The following ADGRG3 variants were observed in gnomAD, a reference collection of about 807,000 sequenced individuals.
ADGRG3 encodes G protein-coupled receptor 97.
In ADGRG3, 39 loss-of-function variants were observed where a neutral mutation model predicts 54.3. The observed-to-expected ratio is 0.72, with a 90% CI of 0.56 to 0.94. The LOEUF is 0.94. ADGRG3 is among the 40% of genes least tolerant of loss of function. ADGRG3 has a pLI of 0.00. For synonymous variants in ADGRG3, 312 were observed against 290.0 expected (o/e 1.08, Z -0.77); for missense variants, 654 against 694.6 (o/e 0.94, Z 0.66).
chr16:57,676,121 C>T (rs1472735340), intron 2 of ADGRG3, 79 bp from the exon 3 acceptor site: 2 of 1,368,740 alleles, frequency 1.5e-6, no homozygotes, highest in Admixed American at 1.8e-5. Flanking sequence ...TTGGGTCAGC[C>T]CTCTCACCCC....
Position 57,680,848 on chromosome 16 carries a change from C to T in ADGRG3, c.881+231C>T, listed in dbSNP as rs530723237. Among the ~76,000 whole-genome samples the T allele has an allele frequency of 3.3e-5, 5 of 152,272 alleles. No individual in the cohort carries two copies. The South Asian group carries it at 6.2e-4, about 19-fold the overall frequency. On this transcript the variant is annotated intron_variant, in intron 8 of 11. Transcript: ENST00000333493. Reference sequence around the variant, plus strand: ...AACATAATAGGGAATGTGTGGTTCACGTAACTGAGAATAGCAAATAGCAAA... The same window carrying T: ...AACATAATAGGGAATGTGTGGTTCATGTAACTGAGAATAGCAAATAGCAAA...
chr16:57,686,002 G>A, intron 11 of ADGRG3, 76 bp downstream of exon 11: 3 of 1,447,722 alleles, frequency 2.1e-6, no homozygotes. Context: ...GGAAGAGGGT[G>A]GTTTGCAAGA....
At chr16:57,679,353 C>T (rs1009491370) in intron 5 of ADGRG3, 42 bp downstream of exon 5, 1 of 1,609,192 alleles carries the variant, frequency 6.2e-7, no homozygotes, top group Non-Finnish European at 8.5e-7. Flanking sequence ...GCAGGGCAGA[C>T]AGGCGAGTGG....
chr16:57,671,402 G>A (rs752119411), intron 1 of ADGRG3, among the ~76,000 whole-genome samples: 4 of 136,374 alleles, frequency 2.9e-5, no homozygotes, highest in Non-Finnish European at 6.1e-5. Context: ...GTGCAGTGGT[G>A]TGATCTTGGC....
intron 4 of ADGRG3, among the ~76,000 whole-genome samples, 153 bp from the exon 5 acceptor site, chr16:57,679,022 GCT>G (rs1199667035): frequency 6.6e-6 from 1 of 152,116 alleles, no homozygotes; most frequent in Non-Finnish European, 1.5e-5. Context: ...CAGGGAGGAG[GCT>G]GCCTGTGACT....
At position 57,676,132 on chromosome 16, in the gene ADGRG3, A is replaced by G. The variant is rs116640555; in HGVS notation, c.207-68A>G. ...TAGTTTGGGTCAGCCCTCTCACCCCAGGAGCCTGATGAGTGAGTAACTCAG... is the reference window on the plus strand; with the variant it reads ...TAGTTTGGGTCAGCCCTCTCACCCCGGGAGCCTGATGAGTGAGTAACTCAG... On this transcript the variant is annotated intron_variant, in intron 2 of 11. Transcript: ENST00000333493. The G allele has an allele frequency of 1.1e-3, 1,660 of 1,476,046 alleles. 20 individuals carry two copies. The African/African-American group carries it at 0.02, about 18-fold the overall frequency. The allele number at this position is 1,476,046 out of a possible 1,614,324, so 91.4% of individuals were successfully genotyped here. A position where few individuals can be genotyped will look rare whatever the true frequency, so the allele number is the denominator to read the frequency against.
chr16:57,676,460 A>T, intron 3 of ADGRG3, 122 bp downstream of exon 3: 1 of 888,400 alleles, frequency 1.1e-6, no homozygotes, highest in Non-Finnish European at 1.7e-6. Context: ...CCCACGTCCC[A>T]ATTGGCAGAG....
At chr16:57,668,154 G>A, upstream of ADGRG3, 1 of 590,784 alleles carries the variant, frequency 1.7e-6, no homozygotes, top group Non-Finnish European at 3.0e-6. Flanking sequence ...GGTGAGACTG[G>A]GAGCACTGCC....
chr16:57,676,302 T>C lies in ADGRG3; in HGVS notation c.309T>C (p.Thr103=), dbSNP rs536212021. Residue 103 remains threonine, a synonymous_variant, in exon 3 of 12, where the codon ACT becomes ACC. Transcript: ENST00000333493. ...KALVQNLSTN[T]AEDFYFSLEP... The stretch of plus-strand genomic sequence containing the variant: ...TGGTCCAGAACCTCAGCACCAACAC[T>C]GCAGAAGACTTCTATTTCTCTCTGG... 1.2e-6 allele frequency: 2 copies of C among 1,614,212 alleles called. No homozygotes were observed. The highest frequency in any genetic ancestry group is 2.2e-5 in the East Asian group (1 of 44,888).
chr16:57,677,917 A>G (rs1393756703), intron 3 of ADGRG3, among the ~76,000 whole-genome samples: 1 of 152,214 alleles, frequency 6.6e-6, no homozygotes, highest in African/African-American at 2.4e-5. Flanking sequence ...AGGTGCCCAG[A>G]CAGGCACAAG....
rs556329584 is a variant in ADGRG3 at position 57,685,688 on chromosome 16, C to T, written c.1302C>T (p.Thr434=). Reference sequence around the variant, plus strand: ...CAACCATGTACGCCCTCTATATCACCGTCCACGGCTACTTCCTCATCACCT... The same window carrying T: ...CAACCATGTACGCCCTCTATATCACTGTCCACGGCTACTTCCTCATCACCT... The part of the protein sequence containing the change: ...EGTTMYALYI[T]VHGYFLITFL... The change falls in exon 11 of 12, where the codon ACC becomes ACT. Residue 434 remains threonine, a synonymous_variant. Transcript: ENST00000333493. 12 of 1,614,212 alleles carry T rather than the reference C, an allele frequency of 7.4e-6. No individual in the cohort carries two copies. The highest frequency in any genetic ancestry group is 5.3e-5 in the African/African-American group (4 of 75,054).
At chr16:57,667,835 G>A (rs1248193502), upstream of ADGRG3, among the ~76,000 whole-genome samples, 1 of 152,238 alleles carries the variant, frequency 6.6e-6, no homozygotes, top group Non-Finnish European at 1.5e-5. Context: ...CCAGAGCCAG[G>A]CTCTGTGCCC....
chr16:57,679,391 G>A, intron 5 of ADGRG3, 80 bp downstream of exon 5: 1 of 1,465,780 alleles, frequency 6.8e-7, no homozygotes, highest in South Asian at 1.1e-5. Flanking sequence ...GGCCCTGCAT[G>A]GGACACTACA....
intron 3 of ADGRG3, among the ~76,000 whole-genome samples, chr16:57,677,657 G>GTGT (rs554436438): frequency 0.01 from 1,556 of 152,282 alleles, 28 homozygotes; most frequent in African/African-American, 0.036. Flanking sequence ...TTTTGAAAAT[G>GTGT]TGTTGTTGTT....
chr16:57,668,058 G>GGTCCTGGGATGGGGGTTGAGGCAACTCC, upstream of ADGRG3: 1 of 532,280 alleles, frequency 1.9e-6, no homozygotes, highest in South Asian at 2.3e-5. Flanking sequence ...CCAGCCCCTA[G>GGTCCTGGGATGGGGGTTGAGGCAACTCC]CCCCGTAGAT....
Position 57,673,335 on chromosome 16 carries a change from A to C in ADGRG3, c.73A>C (p.Thr25Pro). 6.2e-7 allele frequency: 1 copy of C among 1,613,150 alleles called. No individual in the cohort carries two copies. Among genetic ancestry groups the C allele is most frequent in the Non-Finnish European group, 8.5e-7 (1 of 1,179,158 alleles). The change falls in exon 2 of 12, where the codon ACC (threonine) becomes CCC (proline). Residue 25 changes from threonine (T) to proline (P), a missense_variant. By Grantham distance (38) the Thr-to-Pro change is conservative (BLOSUM62 -1). Coordinates refer to ENST00000333493, the MANE Select transcript of ADGRG3 (RefSeq NM_170776.5). ...LLPTSGQEKP[T>P]EGPRNTCLGS... ...TCCTTCCTTAGGTCAGGAAAAGCCC[A>C]CCGAAGGGCCAAGAAACACCTGCCT...
rs766125584 is a variant in ADGRG3 at position 57,683,969 on chromosome 16, A to G, written c.919A>G (p.Lys307Glu). The G allele has an allele frequency of 3.8e-6, 6 of 1,584,352 alleles. No individual in the cohort carries two copies. The highest frequency in any genetic ancestry group is 1.7e-4 in the Middle Eastern group (1 of 5,926). ...GAGGTTCAAGTCAGAAGATGCCCCA[A>G]AGATCCACGTGGCCCTGGGTGGCAG... ...RERFKSEDAP[K>E]IHVALGGSLF... The change falls in exon 9 of 12, where the codon AAG becomes GAG. Residue 307 changes from lysine to glutamate, a missense_variant. Transcript: ENST00000333493.
At chr16:57,682,953 A>G (rs1814521) in intron 8 of ADGRG3, among the ~76,000 whole-genome samples, 53,466 of 152,148 alleles carry the variant, frequency 0.35, 12,894 homozygotes, top group African/African-American at 0.67. Context: ...CAGCATGGGA[A>G]AGACCCGAGG....
At chr16:57,675,252 G>A (rs2048241597) in intron 2 of ADGRG3, among the ~76,000 whole-genome samples, 1 of 151,978 alleles carries the variant, frequency 6.6e-6, no homozygotes, top group South Asian at 2.1e-4. Context: ...GCTGAGGCAG[G>A]AAGATCACTT....
Sources: allele counts gnomAD v4.1 joint callset (sites outside exome capture counted in the v4.1 genomes callset), GRCh38; gene constraint gnomAD v4.1.1; transcripts MANE v1.5; gene names NCBI Gene and HGNC (gene_info 2026-07-23, HGNC 2026-07-21).